FRMPD1: variants seen among roughly 807,000 people sequenced by gnomAD.
FRMPD1 encodes the protein FERM and PDZ domain-containing protein 1.
Under a neutral mutation model 117.8 loss-of-function variants are expected in FRMPD1, and 76 were observed. The ratio of observed to expected loss-of-function variants is 0.65; its 90% CI spans 0.54 to 0.78. FRMPD1 has a LOEUF of 0.78. Among genes scored for constraint, FRMPD1 ranks in the 30% least tolerant of loss-of-function variants. FRMPD1 has a pLI of 0.00. For synonymous variants in FRMPD1, 783 were observed against 770.4 expected, an observed-to-expected ratio of 1.02 and a Z score of -0.27; for missense variants, 1,786 against 1,964.5, an observed-to-expected ratio of 0.91 and a Z score of 1.72.
At chr9:37,638,014 TTCTTTCTTTC>T in the FRMPD1 span, among the ~76,000 whole-genome samples, 2 of 119,410 alleles carry the variant, frequency 1.7e-5, no homozygotes, top group Non-Finnish European at 3.5e-5. Flanking sequence ...CTTTCTTTCT[TTCTTTCTTTC>T]TCTCTCTTTC....
At position 37,746,894 on chromosome 9, in the gene FRMPD1, G is replaced by A. The variant is rs1195173730; in HGVS notation, c.*125G>A. 10 of 661,652 alleles carry A rather than the reference G, an allele frequency of 1.5e-5. No homozygotes were observed. The highest frequency in any genetic ancestry group is 1.8e-5 in the African/African-American group (1 of 55,040). The allele number at this position is 661,652 out of a possible 1,614,324, so 41.0% of individuals were successfully genotyped here. ...ATATAGAGTATTCAAATAAACTGCT[G>A]CTTAATCTTGGCCTGAGTCATAGAG... On this transcript the variant is annotated 3_prime_UTR_variant, in exon 16 of 16. Coordinates refer to ENST00000377765, the MANE Select transcript of FRMPD1 (RefSeq NM_014907.3).
intron 7 of FRMPD1, among the ~76,000 whole-genome samples, chr9:37,725,275 G>A (rs981571570): frequency 4.6e-5 from 7 of 152,286 alleles, no homozygotes; most frequent in South Asian, 2.1e-4. Flanking sequence ...GAGTGAGGCC[G>A]CAGTGAAGAA....
At chr9:37,720,740 A>G (rs1002367391) in intron 6 of FRMPD1, among the ~76,000 whole-genome samples, 1 of 148,954 alleles carries the variant, frequency 6.7e-6, no homozygotes, top group Admixed American at 6.7e-5. Context: ...TACAAAAATT[A>G]GCTGGGCATG....
intron 1 of FRMPD1, among the ~76,000 whole-genome samples, chr9:37,675,055 G>A (rs1194175834): frequency 6.6e-6 from 1 of 152,182 alleles, no homozygotes; most frequent in African/African-American, 2.4e-5. Flanking sequence ...AGATTACTCT[G>A]TGGTGTGTGG....
intron 9 of FRMPD1, among the ~76,000 whole-genome samples, chr9:37,731,880 GA>G (rs1023060652): frequency 1.2e-3 from 157 of 135,712 alleles, no homozygotes; most frequent in Admixed American, 2.3e-3. Context: ...CTCCAGAAAA[GA>G]AAAAAAAAAA....
At chr9:37,680,931 T>C (rs893657594) in intron 1 of FRMPD1, among the ~76,000 whole-genome samples, 1 of 152,092 alleles carries the variant, frequency 6.6e-6, no homozygotes, top group African/African-American at 2.4e-5. Context: ...CAATTTGGGC[T>C]GGGCACAGTG....
At chr9:37,642,551 A>G in the FRMPD1 span, among the ~76,000 whole-genome samples, 2 of 152,216 alleles carry the variant, frequency 1.3e-5, no homozygotes, top group Non-Finnish European at 2.9e-5. Flanking sequence ...TTAAAATGAG[A>G]TAAACCGCTT....
chr9:37,629,197 T>G, the FRMPD1 span, among the ~76,000 whole-genome samples: 1 of 139,254 alleles, frequency 7.2e-6, no homozygotes, highest in Non-Finnish European at 1.6e-5. Flanking sequence ...AGACTCCATC[T>G]CCAAAAAAAA....
At position 37,724,324 on chromosome 9, in the gene FRMPD1, T is replaced by G. The variant is rs914920668; in HGVS notation, c.612+4T>G. ...TGAGGCAAACACAACCGTGAAGGTA[T>G]TAAGAATAAACTTGAACTTCTTTTC... On this transcript the variant is annotated splice_donor_region_variant and intron_variant, in intron 7 of 15. Transcript: ENST00000377765. 1 of 1,485,512 alleles carries G rather than the reference T, an allele frequency of 6.7e-7. No homozygotes were observed. The highest frequency in any genetic ancestry group is 9.4e-7 in the Non-Finnish European group (1 of 1,062,886). The allele number at this position is 1,485,512 out of a possible 1,614,324, so 92.0% of individuals were successfully genotyped here.
intron 1 of FRMPD1, among the ~76,000 whole-genome samples, chr9:37,654,905 A>AGCT (rs1401571610): frequency 1.3e-5 from 2 of 152,140 alleles, no homozygotes; most frequent in African/African-American, 2.4e-5. Context: ...TGGTGTGGTG[A>AGCT]GCTGCTGCTG....
chr9:37,742,179 T>C (rs1824455670), intron 15 of FRMPD1, among the ~76,000 whole-genome samples: 1 of 152,210 alleles, frequency 6.6e-6, no homozygotes, highest in African/African-American at 2.4e-5. Flanking sequence ...CTGAGTTCAA[T>C]TGACTGTACC....
rs778264247 is a variant in FRMPD1 at position 37,745,611 on chromosome 9, C to T, written c.3579C>T (p.Cys1193=). ...GCAGAGAACCCCCAGGGCAAGGCTG[C>T]CAGGCTCAAGAACAAAAACTATTCG... ...GQSREPPGQG[C]QAQEQKLFVE... is the part of the protein sequence containing the mutation. Residue 1193 remains cysteine, a synonymous_variant, in exon 16 of 16, where the codon TGC becomes TGT. Transcript: ENST00000377765. The T allele has an allele frequency of 3.7e-6, 6 of 1,614,032 alleles. No individual in the cohort carries two copies. The highest frequency in any genetic ancestry group is 2.7e-5 in the African/African-American group (2 of 74,912).
At chr9:37,625,550 T>C in the FRMPD1 span, among the ~76,000 whole-genome samples, 1 of 152,196 alleles carries the variant, frequency 6.6e-6, no homozygotes, top group Non-Finnish European at 1.5e-5. Context: ...CAAAGGACTC[T>C]GGGACCCTGG....
At chr9:37,743,190 T>A (rs190219922) in intron 15 of FRMPD1, among the ~76,000 whole-genome samples, 52 of 152,050 alleles carry the variant, frequency 3.4e-4, no homozygotes, top group African/African-American at 9.9e-4. Flanking sequence ...GACAGAGTTG[T>A]GGCCCCTTTA....
intron 5 of FRMPD1, among the ~76,000 whole-genome samples, chr9:37,716,307 A>G (rs1361384147): frequency 2.0e-5 from 3 of 152,166 alleles, no homozygotes; most frequent in East Asian, 1.9e-4. Flanking sequence ...ATTCTGTGCA[A>G]TTGATTTTTT....
chr9:37,691,831 C>T lies in FRMPD1; in HGVS notation c.-4-807C>T, dbSNP rs75385947. On this transcript the variant is annotated intron_variant, in intron 1 of 15. Transcript: ENST00000377765. Reference sequence around the variant, plus strand: ...AGGAGGCAGGAGAATAACTTGAACCCGGGAGGTGGAGGTTGCTGTGAGCCA... The same window carrying T: ...AGGAGGCAGGAGAATAACTTGAACCTGGGAGGTGGAGGTTGCTGTGAGCCA... Among the ~76,000 whole-genome samples, 42 of 152,132 alleles carry T rather than the reference C, an allele frequency of 2.8e-4. No homozygotes were observed. The South Asian group carries it at 6.7e-3, about 24-fold the overall frequency.
At chr9:37,636,120 C>T in the FRMPD1 span, among the ~76,000 whole-genome samples, 15 of 152,148 alleles carry the variant, frequency 9.9e-5, no homozygotes, top group Admixed American at 9.8e-4. Context: ...CGCAGCTGGA[C>T]GGCTGGAGCT....
intron 15 of FRMPD1, among the ~76,000 whole-genome samples, chr9:37,742,188 C>T (rs1406203369): frequency 6.6e-6 from 1 of 152,152 alleles, no homozygotes; most frequent in Non-Finnish European, 1.5e-5. Context: ...ATTGACTGTA[C>T]CTCTAAGGAA....
At chr9:37,644,567 A>G in the FRMPD1 span, among the ~76,000 whole-genome samples, 3 of 152,160 alleles carry the variant, frequency 2.0e-5, no homozygotes, top group African/African-American at 7.2e-5. Context: ...ATCTTCAGAG[A>G]AGCCCCCTGG....
Sources: allele counts gnomAD v4.1 joint callset (sites outside exome capture counted in the v4.1 genomes callset), GRCh38; gene constraint gnomAD v4.1.1; transcripts MANE v1.5; gene names NCBI Gene and HGNC (gene_info 2026-07-23, HGNC 2026-07-21).